The following CSMD2 variants were observed in gnomAD, a reference collection of about 807,000 sequenced individuals.
CSMD2 encodes the protein CUB and sushi domain-containing protein 2.
CSMD2 carries 130 observed loss-of-function variants against 398.5 expected under a neutral mutation model. That is an observed-to-expected ratio of 0.33 (90% CI 0.28 to 0.38). The LOEUF (loss-of-function observed/expected upper bound fraction) is 0.38. CSMD2 is among the 10% of genes least tolerant of loss of function. The pLI, the probability that CSMD2 is intolerant of heterozygous loss-of-function variation, is 1.00. For synonymous variants in CSMD2, 1,828 were observed against 1,908.5 expected (o/e 0.96, Z 1.10); for missense variants, 3,829 against 4,764.9 (o/e 0.80, Z 5.78).
intron 44 of CSMD2, among the ~76,000 whole-genome samples, chr1:33,588,946 A>T (rs1427320737): frequency 1.3e-5 from 2 of 152,208 alleles, no homozygotes; most frequent in African/African-American, 4.8e-5. Context: ...TCCGCATGGG[A>T]TTCTGACATT....
chr1:33,631,340 AT>A (rs1158182518), intron 32 of CSMD2, among the ~76,000 whole-genome samples: 1 of 152,124 alleles, frequency 6.6e-6, no homozygotes, highest in African/African-American at 2.4e-5. Context: ...TTAGAGTAAT[AT>A]ACCTGAATAG....
At chr1:34,117,689 T>G (rs1433290575) in intron 1 of CSMD2, among the ~76,000 whole-genome samples, 2 of 151,664 alleles carry the variant, frequency 1.3e-5, no homozygotes, top group Non-Finnish European at 2.9e-5. Flanking sequence ...TACAGACCAA[T>G]ATACCTGATG....
chr1:33,565,293 C>T (rs1455461251), intron 53 of CSMD2, among the ~76,000 whole-genome samples: 3 of 152,096 alleles, frequency 2.0e-5, no homozygotes, highest in African/African-American at 4.8e-5. Flanking sequence ...GTGTGATTCT[C>T]CCTCATTGCT....
chr1:34,116,671 T>G (rs985747421), intron 1 of CSMD2, among the ~76,000 whole-genome samples: 1 of 152,076 alleles, frequency 6.6e-6, no homozygotes, highest in African/African-American at 2.4e-5. Flanking sequence ...TAGAATACCC[T>G]ACCCAACAAC....
chr1:34,102,827 C>G (rs1298583058), intron 1 of CSMD2, among the ~76,000 whole-genome samples: 2 of 152,194 alleles, frequency 1.3e-5, no homozygotes, highest in African/African-American at 4.8e-5. Context: ...CAATTCAGAC[C>G]TGCTTCTCAA....
intron 3 of CSMD2, among the ~76,000 whole-genome samples, chr1:34,013,460 C>A (rs1176845259): frequency 6.6e-6 from 1 of 152,184 alleles, no homozygotes; most frequent in African/African-American, 2.4e-5. Context: ...TCCACTCAGC[C>A]AACATGTGCT....
At chr1:33,558,596 T>A (rs765442622) in intron 54 of CSMD2, among the ~76,000 whole-genome samples, 37 of 152,358 alleles carry the variant, frequency 2.4e-4, no homozygotes, top group Admixed American at 3.3e-4. Context: ...AGGTATTTTT[T>A]AAAAATCTTT....
intron 5 of CSMD2, chr1:33,864,083 A>G: frequency 9.4e-7 from 1 of 1,062,730 alleles, no homozygotes; most frequent in South Asian, 1.6e-5. Context: ...TCTTGCAGAC[A>G]GAAAAATTCG....
At chr1:33,815,681 C>T (rs1657379533) in intron 9 of CSMD2, among the ~76,000 whole-genome samples, 1 of 152,200 alleles carries the variant, frequency 6.6e-6, no homozygotes, top group African/African-American at 2.4e-5. Context: ...TTCAGCTAAA[C>T]ATAAAATATG....
At chr1:34,098,669 A>T (rs1013971489) in intron 1 of CSMD2, among the ~76,000 whole-genome samples, 3 of 152,014 alleles carry the variant, frequency 2.0e-5, no homozygotes, top group Non-Finnish European at 4.4e-5. Flanking sequence ...ATTAAAAAAA[A>T]TTGAGAAAAG....
chr1:34,154,516 C>A lies in CSMD2; in HGVS notation c.187+10395G>T, dbSNP rs1010065499. ...ATGGCTATCCTCAGGGGAACAGATA[C>A]GTAAAACGTGATGGATGTATAACTC... On this transcript the variant is annotated intron_variant, in intron 1 of 70. Transcript: ENST00000373381. Among the ~76,000 whole-genome samples the A allele has an allele frequency of 3.9e-5, 6 of 151,956 alleles. No homozygotes were observed. In the East Asian group the frequency reaches 5.8e-4, roughly 15 times the overall value.
chr1:34,003,436 A>C (rs189638442), intron 3 of CSMD2, among the ~76,000 whole-genome samples: 62 of 152,292 alleles, frequency 4.1e-4, no homozygotes, highest in Admixed American at 2.4e-3. Context: ...CCCATTACAC[A>C]AGCACAGCCT....
At chr1:34,006,747 G>A (rs1016789633) in intron 3 of CSMD2, among the ~76,000 whole-genome samples, 4 of 152,082 alleles carry the variant, frequency 2.6e-5, no homozygotes, top group African/African-American at 7.2e-5. Context: ...ACTAGGCTCA[G>A]GAAGTTCATG....
chr1:33,875,451 C>A (rs372929735), intron 5 of CSMD2: 1 of 152,154 alleles, frequency 6.6e-6, no homozygotes, highest in East Asian at 1.9e-4. Context: ...GATATCATCA[C>A]GTATAATTCT....
rs757727399 is a variant in CSMD2, at chr1:33,624,514, C to T, written c.5625+5G>A. On this transcript the variant is annotated splice_donor_5th_base_variant and intron_variant, in intron 35 of 70. Transcript: ENST00000373381. This position sits in a 1 kb window ranked among gnomAD's most constrained non-coding sequence, Gnocchi z 4.7. ...TGCCCGACCGAGGCGCCCCCTTGCC[C>T]CTACCTGGATGCCAGCGCCTTCGGG... 4 of 1,613,580 alleles carry T rather than the reference C, an allele frequency of 2.5e-6. No individual in the cohort carries two copies. In the South Asian group the frequency reaches 4.4e-5, roughly 18 times the overall value.
intron 3 of CSMD2, among the ~76,000 whole-genome samples, chr1:33,979,282 C>T (rs1334716242): frequency 6.6e-6 from 1 of 152,176 alleles, no homozygotes; most frequent in East Asian, 1.9e-4. Flanking sequence ...GTGTCTGAAG[C>T]AGGGTGGAGT....
chr1:33,575,574 A>C (rs1275164674), intron 49 of CSMD2, among the ~76,000 whole-genome samples: 1 of 152,138 alleles, frequency 6.6e-6, no homozygotes, highest in Admixed American at 6.5e-5. Context: ...AGTGGGGAGA[A>C]GACATGCACA....
chr1:33,857,459 A>G (rs1326608129), intron 5 of CSMD2, among the ~76,000 whole-genome samples: 1 of 152,016 alleles, frequency 6.6e-6, no homozygotes, highest in African/African-American at 2.4e-5. Context: ...GGCCCCAGGG[A>G]TGGCCAGAAC....
chr1:33,683,735 A>G (rs1571214053), intron 25 of CSMD2, among the ~76,000 whole-genome samples: 1 of 152,198 alleles, frequency 6.6e-6, no homozygotes, highest in Non-Finnish European at 1.5e-5. Flanking sequence ...CTTCATTTAT[A>G]CCTTCCAGGC....
Sources: allele counts gnomAD v4.1 joint callset (sites outside exome capture counted in the v4.1 genomes callset), GRCh38; gene constraint gnomAD v4.1.1; non-coding constraint Gnocchi (gnomAD v3.1); transcripts MANE v1.5; gene names NCBI Gene and HGNC (gene_info 2026-07-23, HGNC 2026-07-21).